Variants in ALDH1A2 observed in about 807,000 individuals in gnomAD.
ALDH1A2 encodes the protein retinal dehydrogenase 2.
Under a neutral mutation model 60.3 loss-of-function variants are expected in ALDH1A2, and 27 were observed. That is an observed-to-expected ratio of 0.45 (90% CI 0.33 to 0.62). The LOEUF is 0.62. ALDH1A2 is among the 20% of genes least tolerant of loss of function. The probability of loss-of-function intolerance (pLI) is 0.02; values close to 1 mark genes in which losing one functional copy is unlikely to be tolerated. For synonymous variants in ALDH1A2, 289 were observed against 232.4 expected (o/e 1.24, Z -2.21); for missense variants, 581 against 643.8 (o/e 0.90, Z 1.06).
At chr15:58,013,003 G>C (rs1300165799) in intron 3 of ALDH1A2, among the ~76,000 whole-genome samples, 3 of 152,108 alleles carry the variant, frequency 2.0e-5, no homozygotes, top group Admixed American at 1.3e-4. Context: ...CTAAGAAATT[G>C]ACTTTTATTT....
At chr15:58,026,046 T>C (rs937447709) in intron 1 of ALDH1A2, among the ~76,000 whole-genome samples, 1 of 152,102 alleles carries the variant, frequency 6.6e-6, no homozygotes, top group Non-Finnish European at 1.5e-5. Flanking sequence ...ATCCAAACCA[T>C]ATCAAGGGAA....
chr15:57,993,785 T>A (rs1894968473), intron 5 of ALDH1A2, among the ~76,000 whole-genome samples: 1 of 152,224 alleles, frequency 6.6e-6, no homozygotes, highest in African/African-American at 2.4e-5. Flanking sequence ...CTATCAGGTG[T>A]CATTGATAAT....
intron 10 of ALDH1A2, 115 bp downstream of exon 10, chr15:57,961,897 C>T: frequency 7.1e-7 from 1 of 1,412,072 alleles, no homozygotes; most frequent in African/African-American, 1.4e-5. Context: ...ATTACTGTTG[C>T]AAAATGAATA....
chr15:57,976,417 C>T (rs527485264), intron 7 of ALDH1A2, among the ~76,000 whole-genome samples: 3 of 152,286 alleles, frequency 2.0e-5, no homozygotes, highest in South Asian at 4.1e-4. Context: ...CTAATGTTAT[C>T]CCTCCCCTAG....
intron 1 of ALDH1A2, among the ~76,000 whole-genome samples, chr15:58,023,658 G>GAAAAAAAAAAAAA (rs57467358): frequency 2.4e-4 from 31 of 129,368 alleles, no homozygotes; most frequent in African/African-American, 7.2e-4. Flanking sequence ...AAAGTGCTGG[G>GAAAAAAAAAAAAA]AAAAAAAAAA....
At chr15:58,002,496 A>G (rs183830622) in intron 4 of ALDH1A2, among the ~76,000 whole-genome samples, 138 of 152,114 alleles carry the variant, frequency 9.1e-4, no homozygotes, top group African/African-American at 2.8e-3. Flanking sequence ...TCTCATAAAA[A>G]TATCTCGCAT....
chr15:57,958,991 C>G (rs1213665876), intron 12 of ALDH1A2, among the ~76,000 whole-genome samples: 1 of 152,144 alleles, frequency 6.6e-6, no homozygotes, highest in Non-Finnish European at 1.5e-5. Flanking sequence ...ATATGAGGTT[C>G]AGATAGAGCC....
intron 1 of ALDH1A2, among the ~76,000 whole-genome samples, chr15:58,023,107 A>G (rs1895978194): frequency 6.6e-6 from 1 of 152,242 alleles, no homozygotes; most frequent in Admixed American, 6.5e-5. Context: ...AAAATAATTC[A>G]GGAAATAAAT....
intron 1 of ALDH1A2, among the ~76,000 whole-genome samples, chr15:58,019,764 T>C (rs1037608926): frequency 1.3e-5 from 2 of 152,202 alleles, no homozygotes; most frequent in African/African-American, 4.8e-5. Flanking sequence ...TAGCTAACAT[T>C]AACCAAAATG....
At chr15:58,062,643 C>G (rs757515392) in intron 1 of ALDH1A2, among the ~76,000 whole-genome samples, 1 of 152,120 alleles carries the variant, frequency 6.6e-6, no homozygotes, top group Non-Finnish European at 1.5e-5. Flanking sequence ...CCAAATTGGT[C>G]CCCTCAATAC....
In ALDH1A2 at chr15:57,993,081, G is replaced by T. The variant is rs201462764; in HGVS notation, c.556-8C>A. 287 of 1,611,460 alleles carry T rather than the reference G, an allele frequency of 1.8e-4. No individual in the cohort carries two copies. Among genetic ancestry groups the T allele is most frequent in the Non-Finnish European group, 2.3e-4 (270 of 1,179,856 alleles). ...CAGCAGGGGGAAGTTCCACTGAAAG[G>T]AAAAAACTCAAAGTTGATAGATGGA... On this transcript the variant is annotated splice_region_variant and splice_polypyrimidine_tract_variant and intron_variant, in intron 5 of 12. Transcript: ENST00000249750.
chr15:58,026,364 T>G (rs1435307395), intron 1 of ALDH1A2, among the ~76,000 whole-genome samples: 1 of 152,118 alleles, frequency 6.6e-6, no homozygotes, highest in Non-Finnish European at 1.5e-5. Context: ...GAAAAAGCAT[T>G]TGATAAAATC....
intron 1 of ALDH1A2, among the ~76,000 whole-genome samples, chr15:58,042,421 C>T (rs16939714): frequency 0.014 from 2,136 of 152,066 alleles, 24 homozygotes; most frequent in African/African-American, 0.033. Context: ...CCAACATCTA[C>T]ATAAGGAACA....
intron 7 of ALDH1A2, among the ~76,000 whole-genome samples, chr15:57,967,480 C>A (rs1893935303): frequency 6.6e-6 from 1 of 152,080 alleles, no homozygotes; most frequent in Non-Finnish European, 1.5e-5. Context: ...CAAAGCAGGT[C>A]TCCCGTAGAT....
chr15:58,007,002 A>T (rs1167293371), intron 4 of ALDH1A2, among the ~76,000 whole-genome samples: 1 of 151,902 alleles, frequency 6.6e-6, no homozygotes, highest in Non-Finnish European at 1.5e-5. Context: ...CCTAAGTGCA[A>T]GAATGCTGTA....
intron 9 of ALDH1A2, among the ~76,000 whole-genome samples, chr15:57,962,377 G>C (rs1007645725): frequency 6.6e-6 from 1 of 152,020 alleles, no homozygotes; most frequent in East Asian, 1.9e-4. Context: ...ATATATCGAC[G>C]ATTCCAATAA....
Position 57,961,241 on chromosome 15 carries a change from GATAACTTC to G in ALDH1A2, c.1297_1304del (p.Glu433ArgfsTer5). On this transcript the variant is annotated frameshift_variant, in exon 11 of 13. Transcript: ENST00000249750. LOFTEE classifies it high-confidence loss of function. ...CAAAGTCTGAGTTATTGGCTCTTTC[GATAACTTC>G]ATCCATCGTCTTAAATCTCAAAATT... 6.2e-7 allele frequency: 1 copy of G among 1,613,968 alleles called. No individual in the cohort carries two copies. Among genetic ancestry groups the G allele is most frequent in the Non-Finnish European group, 8.5e-7 (1 of 1,179,942 alleles).
intron 1 of ALDH1A2, among the ~76,000 whole-genome samples, chr15:58,020,825 T>G (rs1049255567): frequency 6.6e-6 from 1 of 152,230 alleles, no homozygotes; most frequent in Non-Finnish European, 1.5e-5. Context: ...GTTTGTACTA[T>G]GATCACTGAG....
At chr15:58,045,688 G>A (rs1330842476) in intron 1 of ALDH1A2, among the ~76,000 whole-genome samples, 1 of 152,024 alleles carries the variant, frequency 6.6e-6, no homozygotes, top group Non-Finnish European at 1.5e-5. Context: ...AGCAGGAACT[G>A]AACAATGAGA....
Sources: allele counts gnomAD v4.1 joint callset (sites outside exome capture counted in the v4.1 genomes callset), GRCh38; gene constraint gnomAD v4.1.1; transcripts MANE v1.5; gene names NCBI Gene and HGNC (gene_info 2026-07-23, HGNC 2026-07-21).